Variants in CACNB2 observed in about 807,000 individuals in gnomAD.
The protein encoded by CACNB2 is voltage-dependent L-type calcium channel subunit beta-2.
CACNB2 carries 42 observed loss-of-function variants against 73.3 expected under a neutral mutation model. The observed-to-expected ratio is 0.57, with a 90% confidence interval of 0.45 to 0.74. The LOEUF (loss-of-function observed/expected upper bound fraction) is 0.74, where lower values mean the gene tolerates loss of function less well. CACNB2 is among the 30% of genes least tolerant of loss of function. The pLI is 0.00. For synonymous variants in CACNB2, 348 were observed against 310.3 expected (o/e 1.12, Z -1.28); for missense variants, 940 against 853.0 (o/e 1.10, Z -1.27).
chr10:18,417,922 G>GAA (rs111483964), intron 3 of CACNB2, among the ~76,000 whole-genome samples: 2 of 151,806 alleles, frequency 1.3e-5, no homozygotes, highest in African/African-American at 2.4e-5. Context: ...TTCGTAAGGG[G>GAA]AAAAAAACGA....
intron 2 of CACNB2, among the ~76,000 whole-genome samples, chr10:18,352,811 C>G (rs1033651156): frequency 6.6e-6 from 1 of 152,080 alleles, no homozygotes; most frequent in Admixed American, 6.6e-5. Flanking sequence ...ATTGGATTTT[C>G]TCATGTTCTG....
chr10:18,405,363 C>T (rs913130117), intron 3 of CACNB2, among the ~76,000 whole-genome samples: 1 of 152,122 alleles, frequency 6.6e-6, no homozygotes, highest in African/African-American at 2.4e-5. Context: ...TGAAATCTTA[C>T]CATAGGTGAT....
intron 2 of CACNB2, among the ~76,000 whole-genome samples, chr10:18,313,352 C>G (rs923640607): frequency 2.0e-5 from 3 of 149,984 alleles, no homozygotes; most frequent in Non-Finnish European, 4.4e-5. Context: ...TGGTTAGCAG[C>G]GTCCCTGGCC....
intron 1 of CACNB2, among the ~76,000 whole-genome samples, chr10:18,147,986 T>G (rs1047650341): frequency 6.6e-6 from 1 of 152,120 alleles, no homozygotes; most frequent in Non-Finnish European, 1.5e-5. Flanking sequence ...TATATGAAAA[T>G]GGACTATTAG....
chr10:18,414,484 T>C (rs1434330328), intron 3 of CACNB2, among the ~76,000 whole-genome samples: 1 of 22,130 alleles, frequency 4.5e-5, no homozygotes, highest in African/African-American at 4.4e-4. Flanking sequence ...TACTACTACC[T>C]TTTTTTTTTT....
intron 2 of CACNB2, chr10:18,400,824 G>A: frequency 6.9e-7 from 1 of 1,447,096 alleles, no homozygotes; most frequent in South Asian, 1.5e-5. Context: ...TGTGTTTTCA[G>A]CCCCTCCTGG....
At position 18,140,645 on chromosome 10, in the gene CACNB2, C is replaced by T; in HGVS notation, c.-92C>T. ...CCGGGCCTGAGCCCTGGGCGGCCCC[C>T]AGAGCCGATCAGAGCGCGGGGAGGC... is the stretch of plus-strand genomic sequence containing the variant. On this transcript the variant is annotated 5_prime_UTR_variant, in exon 1 of 14. Transcript: ENST00000324631. The T allele has an allele frequency of 8.4e-7, 1 of 1,183,536 alleles. No individual in the cohort carries two copies. Among genetic ancestry groups the T allele is most frequent in the Admixed American group, 2.0e-5 (1 of 50,098 alleles). The allele number at this position is 1,183,536 out of a possible 1,614,324, so 73.3% of individuals were successfully genotyped here.
intron 2 of CACNB2, among the ~76,000 whole-genome samples, chr10:18,175,140 T>C (rs1404917110): frequency 6.6e-6 from 1 of 152,170 alleles, no homozygotes; most frequent in South Asian, 2.1e-4. Context: ...TCTTAGGATA[T>C]TCCAGGTTTC....
intron 2 of CACNB2, among the ~76,000 whole-genome samples, chr10:18,239,452 T>C (rs2036567907): frequency 6.6e-6 from 1 of 152,196 alleles, no homozygotes; most frequent in Admixed American, 6.5e-5. Context: ...TCCATCCATG[T>C]CACTGCAAGA....
chr10:18,526,193 C>A (rs1319849406), intron 9 of CACNB2, among the ~76,000 whole-genome samples: 1 of 152,212 alleles, frequency 6.6e-6, no homozygotes, highest in Non-Finnish European at 1.5e-5. Flanking sequence ...TGGGTCCTTA[C>A]AATTTGGCAG....
chr10:18,503,640 G>T (rs1379184563), intron 5 of CACNB2, among the ~76,000 whole-genome samples: 3 of 152,138 alleles, frequency 2.0e-5, no homozygotes, highest in African/African-American at 4.8e-5. Flanking sequence ...GTTTTAATAG[G>T]GTGTAGACAT....
At chr10:18,478,180 C>A (rs1434951862) in intron 3 of CACNB2, among the ~76,000 whole-genome samples, 2 of 152,212 alleles carry the variant, frequency 1.3e-5, no homozygotes, top group Non-Finnish European at 2.9e-5. Flanking sequence ...GATCCTCCCA[C>A]CTCAGCCTCC....
At chr10:18,524,351 T>C (rs187889563) in intron 9 of CACNB2, among the ~76,000 whole-genome samples, 1 of 152,228 alleles carries the variant, frequency 6.6e-6, no homozygotes, top group Non-Finnish European at 1.5e-5. Flanking sequence ...TAGGACAGTC[T>C]TACTAGAAAT....
At chr10:18,239,842 A>G (rs1006306137) in intron 2 of CACNB2, among the ~76,000 whole-genome samples, 6 of 152,338 alleles carry the variant, frequency 3.9e-5, no homozygotes, top group Non-Finnish European at 5.9e-5. Flanking sequence ...ATTATAAAGC[A>G]CTAAATGCTT....
intron 11 of CACNB2, among the ~76,000 whole-genome samples, chr10:18,535,681 G>A (rs2053498530): frequency 6.6e-6 from 1 of 152,018 alleles, no homozygotes; most frequent in Non-Finnish European, 1.5e-5. Flanking sequence ...GCTGAGGCAG[G>A]AGAATGGTGT....
At chr10:18,217,808 G>A (rs1443803593) in intron 2 of CACNB2, among the ~76,000 whole-genome samples, 2 of 151,856 alleles carry the variant, frequency 1.3e-5, no homozygotes, top group Non-Finnish European at 2.9e-5. Context: ...AAGGAGGAGA[G>A]GTGGGAAGGG....
At chr10:18,507,106 C>A (rs1166429069) in intron 6 of CACNB2, among the ~76,000 whole-genome samples, 1 of 152,150 alleles carries the variant, frequency 6.6e-6, no homozygotes, top group East Asian at 1.9e-4. Flanking sequence ...GCCATATTAA[C>A]CTTTAATCCC....
At chr10:18,270,029 C>T (rs184925637) in intron 2 of CACNB2, among the ~76,000 whole-genome samples, 14 of 152,206 alleles carry the variant, frequency 9.2e-5, no homozygotes, top group Non-Finnish European at 1.8e-4. Flanking sequence ...CCATTCTCAC[C>T]CTGCTGTAAA....
At chr10:18,526,176 T>C (rs2052452798) in intron 9 of CACNB2, among the ~76,000 whole-genome samples, 1 of 152,212 alleles carries the variant, frequency 6.6e-6, no homozygotes, top group African/African-American at 2.4e-5. Flanking sequence ...TCCAATATCA[T>C]TATCTTTGGG....
Sources: allele counts gnomAD v4.1 joint callset (sites outside exome capture counted in the v4.1 genomes callset), GRCh38; gene constraint gnomAD v4.1.1; transcripts MANE v1.5; gene names NCBI Gene and HGNC (gene_info 2026-07-23, HGNC 2026-07-21).